Variants in RANBP2 observed in about 807,000 individuals in gnomAD.
RANBP2 encodes the protein RAN binding protein 2.
A neutral mutation model predicts 303.6 loss-of-function variants in RANBP2; 57 were observed. The observed-to-expected ratio is 0.19, with a 90% confidence interval of 0.15 to 0.23. RANBP2 has a LOEUF of 0.23. Among genes scored for constraint, RANBP2 ranks in the 10% least tolerant of loss-of-function variants. The pLI is 1.00. For missense variants in RANBP2, 3,138 were observed against 3,780.8 expected, an observed-to-expected ratio of 0.83 and a Z score of 4.46; for synonymous variants, 1,167 against 1,301.5, an observed-to-expected ratio of 0.90 and a Z score of 2.23.
At chr2:108,750,602 C>CTTTTA (rs367982407) in intron 9 of RANBP2, among the ~76,000 whole-genome samples, 4 of 142,120 alleles carry the variant, frequency 2.8e-5, no homozygotes, top group Admixed American at 2.8e-4. Context: ...CTTTTCTTTT[C>CTTTTA]TTTGAGACAG....
chr2:109,429,824 G>A, the RANBP2 span, among the ~76,000 whole-genome samples: 1 of 152,230 alleles, frequency 6.6e-6, no homozygotes, highest in African/African-American at 2.4e-5. Flanking sequence ...CACCCGAGCA[G>A]AGGTAGCCCT....
the RANBP2 span, among the ~76,000 whole-genome samples, chr2:108,838,273 C>A: frequency 6.6e-6 from 1 of 151,998 alleles, no homozygotes; most frequent in South Asian, 2.1e-4. Context: ...CAATCTCTCC[C>A]CAACTGGAAA....
the RANBP2 span, chr2:109,615,347 G>A: frequency 6.2e-7 from 1 of 1,612,488 alleles, no homozygotes; most frequent in Non-Finnish European, 8.5e-7. Flanking sequence ...TGGAGGGCTT[G>A]CTCACCTGCG....
At chr2:109,509,398 G>T in the RANBP2 span, among the ~76,000 whole-genome samples, 1 of 152,244 alleles carries the variant, frequency 6.6e-6, no homozygotes, top group East Asian at 1.9e-4. Context: ...AAGTGCTGGA[G>T]GCTGGAAGTC....
chr2:109,039,664 G>T, the RANBP2 span, among the ~76,000 whole-genome samples: 3 of 151,728 alleles, frequency 2.0e-5, no homozygotes, highest in Non-Finnish European at 4.4e-5. Flanking sequence ...ATGTTTTTTG[G>T]CCATACAGAT....
the RANBP2 span, among the ~76,000 whole-genome samples, chr2:109,196,893 G>A: frequency 6.6e-6 from 1 of 152,168 alleles, no homozygotes; most frequent in Non-Finnish European, 1.5e-5. Context: ...GAGGACCCCG[G>A]CACATCATAG....
chr2:108,753,396 A>G lies in RANBP2; in HGVS notation c.1918-30A>G, dbSNP rs202045568. The G allele has an allele frequency of 2.1e-4, 335 of 1,611,184 alleles. 1 individual carries two copies. In the Middle Eastern group the frequency reaches 5.7e-3, roughly 27 times the overall value. ...GGGTTTTATATTCTGAGTATAAACA[A>G]TTTGACTAAAAACTATTCTGTGTGT... On this transcript the variant is annotated intron_variant, in intron 13 of 28. Coordinates refer to ENST00000283195, the MANE Select transcript of RANBP2 (RefSeq NM_006267.5).
the RANBP2 span, among the ~76,000 whole-genome samples, chr2:109,074,211 A>T: frequency 6.6e-6 from 1 of 150,474 alleles, no homozygotes; most frequent in South Asian, 2.1e-4. Context: ...TACTAGAAAT[A>T]CACAAAATTT....
chr2:109,238,611 T>C, the RANBP2 span, among the ~76,000 whole-genome samples: 6 of 152,022 alleles, frequency 3.9e-5, no homozygotes, highest in Non-Finnish European at 7.4e-5. Flanking sequence ...TTTTTCGCAT[T>C]ATGGATGCCA....
At chr2:109,777,328 T>C in the RANBP2 span, among the ~76,000 whole-genome samples, 1 of 148,190 alleles carries the variant, frequency 6.7e-6, no homozygotes, top group East Asian at 2.0e-4. Context: ...ATTAATACTT[T>C]AATATACTTT....
At chr2:109,390,084 T>G in the RANBP2 span, among the ~76,000 whole-genome samples, 1 of 152,158 alleles carries the variant, frequency 6.6e-6, no homozygotes, top group African/African-American at 2.4e-5. Context: ...CCGGAGGGAC[T>G]CGCCCAGGAT....
At chr2:109,004,198 A>C in the RANBP2 span, among the ~76,000 whole-genome samples, 1 of 152,160 alleles carries the variant, frequency 6.6e-6, no homozygotes, top group Non-Finnish European at 1.5e-5. Context: ...AACTTCGTAA[A>C]CCAAGTTTCC....
At chr2:109,232,144 G>A in the RANBP2 span, among the ~76,000 whole-genome samples, 13,459 of 152,196 alleles carry the variant, frequency 0.088, 1,076 homozygotes, top group East Asian at 0.31. Context: ...CTCTTGTAGT[G>A]GAATGACCAG....
the RANBP2 span, among the ~76,000 whole-genome samples, chr2:109,699,214 G>A: frequency 6.6e-6 from 1 of 152,144 alleles, no homozygotes; most frequent in African/African-American, 2.4e-5. Context: ...AGTTCTCAAA[G>A]GATCAAGGGC....
At chr2:109,060,560 A>G in the RANBP2 span, among the ~76,000 whole-genome samples, 2 of 152,218 alleles carry the variant, frequency 1.3e-5, no homozygotes, top group Non-Finnish European at 2.9e-5. Context: ...TGAATAGATA[A>G]TACTCAATTT....
At chr2:109,416,117 C>A in the RANBP2 span, among the ~76,000 whole-genome samples, 1 of 152,182 alleles carries the variant, frequency 6.6e-6, no homozygotes, top group African/African-American at 2.4e-5. Context: ...AAATAAATTC[C>A]TTTTTGTTAT....
At chr2:109,625,569 G>A in the RANBP2 span, among the ~76,000 whole-genome samples, 1 of 151,956 alleles carries the variant, frequency 6.6e-6, no homozygotes, top group Non-Finnish European at 1.5e-5. Context: ...GGAAGTCTGA[G>A]GAAGGAGAAT....
chr2:108,974,587 G>A, the RANBP2 span, among the ~76,000 whole-genome samples: 1 of 151,868 alleles, frequency 6.6e-6, no homozygotes, highest in Non-Finnish European at 1.5e-5. Flanking sequence ...AAAATTAGCT[G>A]GGCATGGTGG....
chr2:108,773,529 A>G (rs1677656625), intron 23 of RANBP2, among the ~76,000 whole-genome samples: 1 of 152,230 alleles, frequency 6.6e-6, no homozygotes, highest in Non-Finnish European at 1.5e-5. Context: ...TAAAAAATCT[A>G]AATTAATGGA....
Sources: allele counts gnomAD v4.1 joint callset (sites outside exome capture counted in the v4.1 genomes callset), GRCh38; gene constraint gnomAD v4.1.1; transcripts MANE v1.5; gene names NCBI Gene and HGNC (gene_info 2026-07-23, HGNC 2026-07-21).